SHROOM3: variants seen among roughly 807,000 people sequenced by gnomAD.
SHROOM3 encodes protein Shroom3.
Under a neutral mutation model 138.6 loss-of-function variants are expected in SHROOM3, and 47 were observed. The ratio of observed to expected loss-of-function variants is 0.34; its 90% CI spans 0.27 to 0.43. The LOEUF (loss-of-function observed/expected upper bound fraction) is 0.43. Ranked by LOEUF, SHROOM3 falls within the 20% of genes least tolerant of loss-of-function variation. The pLI is 1.00. For synonymous variants in SHROOM3, 1,062 were observed against 1,063.3 expected (o/e 1.00, Z 0.02); for missense variants, 2,491 against 2,596.5 (o/e 0.96, Z 0.88).
chr4:76,600,203 G>T (rs148401275), intron 2 of SHROOM3, among the ~76,000 whole-genome samples: 15 of 152,246 alleles, frequency 9.9e-5, no homozygotes, highest in African/African-American at 3.6e-4. Context: ...ACTTGCTTTT[G>T]CAGCCTTTGA....
At chr4:76,711,190 C>G (rs1441142987) in intron 3 of SHROOM3, among the ~76,000 whole-genome samples, 1 of 152,076 alleles carries the variant, frequency 6.6e-6, no homozygotes. Context: ...ACCTAAAATT[C>G]AAGCCTAGAT....
intron 2 of SHROOM3, among the ~76,000 whole-genome samples, chr4:76,669,713 G>A (rs982109371): frequency 3.3e-5 from 5 of 151,914 alleles, no homozygotes. Flanking sequence ...AAACCAAAAC[G>A]AGTATGTGGG....
intron 2 of SHROOM3, among the ~76,000 whole-genome samples, chr4:76,570,525 G>T (rs1733814233): frequency 6.6e-6 from 1 of 152,064 alleles, no homozygotes; most frequent in Non-Finnish European, 1.5e-5. Flanking sequence ...TCAAAGTCAG[G>T]GGCAGAGGTC....
intron 2 of SHROOM3, among the ~76,000 whole-genome samples, chr4:76,601,429 C>A (rs1035261786): frequency 1.4e-4 from 21 of 152,200 alleles, no homozygotes; most frequent in Admixed American, 1.4e-3. Flanking sequence ...TTGGGAGCTT[C>A]TACCACTGGA....
At chr4:76,544,476 G>T (rs1029623140) in intron 1 of SHROOM3, among the ~76,000 whole-genome samples, 3 of 141,440 alleles carry the variant, frequency 2.1e-5, no homozygotes, top group Admixed American at 7.5e-5. Flanking sequence ...GGGTATAGTG[G>T]CACAATCTCG....
At chr4:76,582,101 T>A (rs1201486599) in intron 2 of SHROOM3, among the ~76,000 whole-genome samples, 2 of 152,234 alleles carry the variant, frequency 1.3e-5, no homozygotes, top group Non-Finnish European at 2.9e-5. Flanking sequence ...CTCTGTCTCA[T>A]GGAGCTGACA....
chr4:76,564,599 T>C (rs1174529958), intron 2 of SHROOM3, among the ~76,000 whole-genome samples: 1 of 152,226 alleles, frequency 6.6e-6, no homozygotes, highest in African/African-American at 2.4e-5. Context: ...TAAGACTCCC[T>C]TACTGTAATG....
intron 1 of SHROOM3, among the ~76,000 whole-genome samples, chr4:76,534,325 C>T (rs1732903146): frequency 6.6e-6 from 1 of 152,142 alleles, no homozygotes; most frequent in Non-Finnish European, 1.5e-5. Context: ...CAGATGGGAC[C>T]TTCATTGAAA....
rs899057847 is a variant in SHROOM3, at chr4:76,557,263, G to A, written c.323+1500G>A. On this transcript the variant is annotated intron_variant, in intron 2 of 10. Transcript: ENST00000296043. ...CACACACACACACACACACACACACGAGGAATATTATCCAGCCATAAAAAA... is the reference window on the plus strand; with the variant it reads ...CACACACACACACACACACACACACAAGGAATATTATCCAGCCATAAAAAA... Among the ~76,000 whole-genome samples, 8 of 77,392 alleles carry A rather than the reference G, an allele frequency of 1.0e-4. No individual in the cohort carries two copies. In the East Asian group the frequency reaches 2.7e-3, roughly 26 times the overall value. 50.8% of individuals were successfully genotyped at this position (77,392 alleles called of 152,430 possible).
intron 2 of SHROOM3, among the ~76,000 whole-genome samples, chr4:76,557,726 A>G (rs1389523592): frequency 6.6e-6 from 1 of 152,214 alleles, no homozygotes; most frequent in Non-Finnish European, 1.5e-5. Context: ...CACTTTGAAT[A>G]TATGCAATTT....
intron 1 of SHROOM3, among the ~76,000 whole-genome samples, chr4:76,528,739 A>G (rs1251349678): frequency 6.6e-6 from 1 of 151,982 alleles, no homozygotes; most frequent in Non-Finnish European, 1.5e-5. Context: ...TTATTAGTAG[A>G]GATGGGGTTT....
intron 1 of SHROOM3, among the ~76,000 whole-genome samples, chr4:76,486,061 A>G (rs1731723101): frequency 6.6e-6 from 1 of 152,040 alleles, no homozygotes; most frequent in Non-Finnish European, 1.5e-5. Flanking sequence ...GTTGCTTCCC[A>G]CCTTTTCTGA....
At chr4:76,710,732 A>G (rs1223423968) in intron 3 of SHROOM3, among the ~76,000 whole-genome samples, 1 of 152,238 alleles carries the variant, frequency 6.6e-6, no homozygotes, top group African/African-American at 2.4e-5. Context: ...CCAAGATTCC[A>G]ACGTAAGCCT....
chr4:76,626,179 C>A (rs1195258924), intron 2 of SHROOM3, among the ~76,000 whole-genome samples: 2 of 152,166 alleles, frequency 1.3e-5, no homozygotes, highest in East Asian at 1.9e-4. Context: ...AACCCTAATT[C>A]ATGTAAAATT....
rs150048957 is a variant in SHROOM3 at position 76,681,625 on chromosome 4, G to GTGTGTGTGTGTGTGTGTGTGTGTGTA, written c.324-28522_324-28521insGTGTGTGTGTGTGTGTATGTGTGTGT. On this transcript the variant is annotated intron_variant, in intron 2 of 10. Coordinates refer to ENST00000296043, the MANE Select transcript of SHROOM3 (RefSeq NM_020859.4). Reference sequence around the variant, plus strand: ...TGTGTGTGTGTGTGTGTGTGTGTGTGTGTGTGTGTATGTGTCTGGATGAGA... The same window carrying GTGTGTGTGTGTGTGTGTGTGTGTGTA: ...TGTGTGTGTGTGTGTGTGTGTGTGTGTGTGTGTGTGTGTGTGTGTGTGTGTATGTGTGTGTATGTGTCTGGATGAGA... Among the ~76,000 whole-genome samples, 64 of 117,910 alleles carry GTGTGTGTGTGTGTGTGTGTGTGTGTA rather than the reference G, an allele frequency of 5.4e-4. 1 individual carries two copies. The highest frequency in any genetic ancestry group is 1.7e-3 in the African/African-American group (48 of 28,320). The allele number at this position is 117,910 out of a possible 152,430, so 77.4% of individuals were successfully genotyped here.
At chr4:76,762,873 CAA>C (rs1414403241) in intron 9 of SHROOM3, among the ~76,000 whole-genome samples, 1 of 151,962 alleles carries the variant, frequency 6.6e-6, no homozygotes, top group East Asian at 1.9e-4. Context: ...GTTCCTGACT[CAA>C]GAGAGTAGAG....
chr4:76,611,960 T>C (rs573278977), intron 2 of SHROOM3, among the ~76,000 whole-genome samples: 13 of 152,346 alleles, frequency 8.5e-5, no homozygotes, highest in African/African-American at 2.9e-4. Context: ...TTTTCCTTCT[T>C]GAAATATTCT....
At chr4:76,501,292 A>G (rs1261588164) in intron 1 of SHROOM3, among the ~76,000 whole-genome samples, 2 of 152,196 alleles carry the variant, frequency 1.3e-5, no homozygotes, top group Non-Finnish European at 2.9e-5. Flanking sequence ...TAATTTTAAT[A>G]TACTCTATAT....
At chr4:76,618,192 T>A (rs1041421847) in intron 2 of SHROOM3, among the ~76,000 whole-genome samples, 1 of 152,124 alleles carries the variant, frequency 6.6e-6, no homozygotes, top group African/African-American at 2.4e-5. Context: ...TAGGCCTAGC[T>A]ACTTGGGGAG....
Sources: allele counts gnomAD v4.1 joint callset (sites outside exome capture counted in the v4.1 genomes callset), GRCh38; gene constraint gnomAD v4.1.1; transcripts MANE v1.5; gene names NCBI Gene and HGNC (gene_info 2026-07-23, HGNC 2026-07-21).